Variants in TMEM45B observed in about 807,000 individuals in gnomAD.
The protein encoded by TMEM45B is transmembrane protein 45B.
A neutral mutation model predicts 27.3 loss-of-function variants in TMEM45B; 29 were observed. That is an observed-to-expected ratio of 1.06 (90% CI 0.79 to 1.45). The LOEUF (loss-of-function observed/expected upper bound fraction) is 1.45. Among genes scored for constraint, TMEM45B ranks in the 40% most tolerant of loss-of-function variants. The pLI, the probability that TMEM45B is intolerant of heterozygous loss-of-function variation, is 0.00. For missense variants in TMEM45B, 348 were observed against 343.9 expected (o/e 1.01, Z -0.09); for synonymous variants, 143 against 134.7 (o/e 1.06, Z -0.43).
chr11:129,852,964 G>A (rs761164886), intron 2 of TMEM45B: 2 of 236,562 alleles, frequency 8.5e-6, no homozygotes, highest in Non-Finnish European at 1.6e-5. Flanking sequence ...AATAAAAAGA[G>A]AAAAAAACAA....
At chr11:129,847,051 CAAACG>C (rs1947769532) in intron 1 of TMEM45B, among the ~76,000 whole-genome samples, 1 of 152,174 alleles carries the variant, frequency 6.6e-6, no homozygotes, top group Non-Finnish European at 1.5e-5. Context: ...ATGATTTCAA[CAAACG>C]AGTATAATGC....
intron 1 of TMEM45B, among the ~76,000 whole-genome samples, chr11:129,833,626 T>C (rs1033990013): frequency 9.2e-5 from 14 of 151,848 alleles, no homozygotes; most frequent in African/African-American, 2.9e-4. Context: ...AATACAAAAA[T>C]TAGCCAGGCA....
intron 1 of TMEM45B, among the ~76,000 whole-genome samples, chr11:129,833,527 C>A (rs565224333): frequency 5.3e-5 from 8 of 152,128 alleles, no homozygotes; most frequent in Non-Finnish European, 7.3e-5. Context: ...GTAATCCCAG[C>A]ACTTTGGGAG....
At chr11:129,831,297 A>C (rs1442073444) in intron 1 of TMEM45B, among the ~76,000 whole-genome samples, 1 of 152,206 alleles carries the variant, frequency 6.6e-6, no homozygotes, top group Non-Finnish European at 1.5e-5. Context: ...CTTTGGCATA[A>C]TCGAACTGCC....
At chr11:129,835,039 T>G (rs1184246311) in intron 1 of TMEM45B, among the ~76,000 whole-genome samples, 1 of 152,186 alleles carries the variant, frequency 6.6e-6, no homozygotes, top group Non-Finnish European at 1.5e-5. Flanking sequence ...AAGCAGAACT[T>G]ATAAATGATG....
rs754785621 is a variant in TMEM45B at position 129,852,572 on chromosome 11, T to G, written c.90T>G (p.Phe30Leu). The G allele has an allele frequency of 6.2e-7, 1 of 1,613,990 alleles. No individual in the cohort carries two copies. The highest frequency in any genetic ancestry group is 2.2e-5 in the East Asian group (1 of 44,880). ...CWSVKYPLKY[F>L]SHTRKNSPLH... ...CAGTGAAGTACCCGCTGAAGTACTT[T>G]AGCCACACGCGGAAGAACAGCCCAC... The change falls in exon 2 of 6, where the codon TTT (phenylalanine) becomes TTG (leucine). Residue 30 changes from phenylalanine to leucine, a missense_variant. Coordinates refer to ENST00000281441, the MANE Select transcript of TMEM45B (RefSeq NM_138788.5).
intron 1 of TMEM45B, among the ~76,000 whole-genome samples, chr11:129,837,008 G>A (rs546953572): frequency 2.6e-4 from 39 of 152,204 alleles, no homozygotes; most frequent in East Asian, 1.5e-3. Flanking sequence ...TGGACACCCC[G>A]CAATGTGCAG....
intron 1 of TMEM45B, among the ~76,000 whole-genome samples, chr11:129,836,231 C>A (rs1292786110): frequency 6.6e-6 from 1 of 152,110 alleles, no homozygotes; most frequent in Non-Finnish European, 1.5e-5. Flanking sequence ...AATGTCTATG[C>A]TCTGCCTGTC....
intron 1 of TMEM45B, among the ~76,000 whole-genome samples, chr11:129,826,548 C>CAAAA (rs1555069241): frequency 5.1e-3 from 91 of 17,776 alleles, no homozygotes; most frequent in African/African-American, 5.7e-3. Flanking sequence ...GACTCTGTCA[C>CAAAA]AAAAAAAAAA....
chr11:129,854,278 C>T (rs984580475), intron 2 of TMEM45B, among the ~76,000 whole-genome samples: 10 of 152,174 alleles, frequency 6.6e-5, no homozygotes, highest in Admixed American at 2.6e-4. Flanking sequence ...AGCCACACTC[C>T]GACTTAAGTG....
intron 1 of TMEM45B, among the ~76,000 whole-genome samples, chr11:129,841,301 C>G (rs967978581): frequency 2.6e-5 from 4 of 152,144 alleles, no homozygotes; most frequent in Non-Finnish European, 4.4e-5. Flanking sequence ...TGGAAATGAG[C>G]AGGACAAATC....
At chr11:129,832,590 G>T (rs556680435) in intron 1 of TMEM45B, among the ~76,000 whole-genome samples, 1 of 75,252 alleles carries the variant, frequency 1.3e-5, no homozygotes, top group Non-Finnish European at 3.3e-5. Context: ...GGGATTTCGT[G>T]GGGGGTTGGT....
At chr11:129,835,597 G>A (rs1407058810) in intron 1 of TMEM45B, among the ~76,000 whole-genome samples, 1 of 152,270 alleles carries the variant, frequency 6.6e-6, no homozygotes, top group Admixed American at 6.5e-5. Context: ...TCTGAAGCCA[G>A]TTCAGAGATC....
rs967552676 is a variant in TMEM45B at position 129,815,862 on chromosome 11, G to C, written c.-45G>C. 5 of 1,308,982 alleles carry C rather than the reference G, an allele frequency of 3.8e-6. No homozygotes were observed. In the African/African-American group the frequency reaches 7.7e-5, roughly 20 times the overall value. The allele number at this position is 1,308,982 out of a possible 1,614,324, so 81.1% of individuals were successfully genotyped here. On this transcript the variant is annotated 5_prime_UTR_variant, in exon 1 of 6. Coordinates refer to ENST00000281441, the MANE Select transcript of TMEM45B (RefSeq NM_138788.5). Reference sequence around the variant, plus strand: ...TCTGGGCGGACGCACTTGGCGCGCGGCGCGGGCTGCAGACGGCTGCGAGGC... The same window carrying C: ...TCTGGGCGGACGCACTTGGCGCGCGCCGCGGGCTGCAGACGGCTGCGAGGC...
chr11:129,852,284 T>C (rs1051560396), intron 1 of TMEM45B, among the ~76,000 whole-genome samples, 191 bp from the exon 2 acceptor site: 1 of 152,220 alleles, frequency 6.6e-6, no homozygotes, highest in Non-Finnish European at 1.5e-5. Context: ...TGGAGTCCAG[T>C]TGGTTATGCA....
At chr11:129,844,419 CT>C (rs1266032583) in intron 1 of TMEM45B, among the ~76,000 whole-genome samples, 1 of 152,130 alleles carries the variant, frequency 6.6e-6, no homozygotes, top group African/African-American at 2.4e-5. Context: ...GGCACAGTGG[CT>C]TATGTCTGTA....
At chr11:129,833,820 C>A (rs576029779) in intron 1 of TMEM45B, among the ~76,000 whole-genome samples, 2 of 152,266 alleles carry the variant, frequency 1.3e-5, no homozygotes, top group African/African-American at 2.4e-5. Flanking sequence ...CGAAAGAAGA[C>A]CATTTGAAGA....
At chr11:129,819,952 C>T (rs1218432334) in intron 1 of TMEM45B, among the ~76,000 whole-genome samples, 3 of 152,156 alleles carry the variant, frequency 2.0e-5, no homozygotes, top group Admixed American at 6.5e-5. Context: ...ATCACATACA[C>T]ACTGTTAACG....
At chr11:129,819,236 A>G (rs1947388815) in intron 1 of TMEM45B, among the ~76,000 whole-genome samples, 1 of 152,258 alleles carries the variant, frequency 6.6e-6, no homozygotes, top group South Asian at 2.1e-4. Flanking sequence ...TCAGATAAAC[A>G]TCTGAAAAAG....
Sources: allele counts gnomAD v4.1 joint callset (sites outside exome capture counted in the v4.1 genomes callset), GRCh38; gene constraint gnomAD v4.1.1; transcripts MANE v1.5; gene names NCBI Gene and HGNC (gene_info 2026-07-23, HGNC 2026-07-21).